The following FAM219B variants were observed in gnomAD, a reference collection of about 807,000 sequenced individuals.
FAM219B encodes protein FAM219B.
Under a neutral mutation model 19.9 loss-of-function variants are expected in FAM219B, and 18 were observed. The observed-to-expected ratio is 0.91, with a 90% CI of 0.63 to 1.34. FAM219B has a LOEUF of 1.34. Ranked by LOEUF, FAM219B falls within the 40% of genes most tolerant of loss-of-function variation. FAM219B has a pLI of 0.00. For missense variants in FAM219B, 283 were observed against 270.5 expected (o/e 1.05, Z -0.32); for synonymous variants, 123 against 117.5 (o/e 1.05, Z -0.30).
chr15:74,904,943 C>T (rs1461202528), intron 3 of FAM219B: 20 of 1,527,868 alleles, frequency 1.3e-5, no homozygotes, highest in Admixed American at 7.9e-5. Context: ...GATGATCCCC[C>T]GGACATTGGT....
chr15:74,905,131 G>T (rs750681574), intron 3 of FAM219B, 23 bp downstream of exon 3: 10 of 1,613,650 alleles, frequency 6.2e-6, no homozygotes, highest in South Asian at 3.3e-5. Flanking sequence ...TCCCAAGGGG[G>T]TATTTCCAAG....
chr15:74,906,119 G>A (rs1191933191), intron 2 of FAM219B, 159 bp downstream of exon 2: 1 of 726,636 alleles, frequency 1.4e-6, no homozygotes, highest in African/African-American at 1.8e-5. Flanking sequence ...TAAAGGAAAA[G>A]AGAGATTGTT....
Position 74,905,223 on chromosome 15 carries a change from T to C in FAM219B, c.311A>G (p.Lys104Arg), listed in dbSNP as rs956896694. ...AAGAGCAGTATAGCCCTTGTTAAACTTCACTGACCTGAGGGGAGACGGGGG... is the reference window on the plus strand; with the variant it reads ...AAGAGCAGTATAGCCCTTGTTAAACCTCACTGACCTGAGGGGAGACGGGGG... Reference protein sequence around the residue: ...RPDSSGKRSVKFNKGYTALSQ... With the variant: ...RPDSSGKRSVRFNKGYTALSQ... Residue 104 changes from lysine (K) to arginine (R), a missense_variant, in exon 3 of 5, where the codon AAG (lysine) becomes AGG (arginine). Physicochemically the swap from Lys to Arg is conservative, Grantham distance 26 (BLOSUM62 2). Coordinates refer to ENST00000357635, the MANE Select transcript of FAM219B (RefSeq NM_020447.5). The C allele has an allele frequency of 6.2e-7, 1 of 1,613,884 alleles. No individual in the cohort carries two copies. The highest frequency in any genetic ancestry group is 1.1e-5 in the South Asian group (1 of 91,082).
intron 4 of FAM219B, among the ~76,000 whole-genome samples, chr15:74,904,207 G>T (rs975210307): frequency 6.6e-6 from 1 of 152,226 alleles, no homozygotes; most frequent in Non-Finnish European, 1.5e-5. Context: ...ATTACAAAAA[G>T]CATTCAAGTA....
chr15:74,905,263 A>G, intron 2 of FAM219B, 32 bp from the exon 3 acceptor site: 1 of 1,605,138 alleles, frequency 6.2e-7, no homozygotes, highest in Non-Finnish European at 8.5e-7. Flanking sequence ...GAGACCAAAC[A>G]TAGATGAAAG....
intron 4 of FAM219B, among the ~76,000 whole-genome samples, chr15:74,903,431 T>A (rs1231263250): frequency 5.3e-5 from 8 of 151,816 alleles, no homozygotes; most frequent in Non-Finnish European, 1.2e-4. Context: ...AAACCCCATC[T>A]CTACTAAAAA....
In FAM219B at chr15:74,905,245, G is replaced by A. The variant is rs557742789; in HGVS notation, c.303-14C>T. Reference sequence around the variant, plus strand: ...AACTTCACTGACCTGAGGGGAGACGGGGGAGAAGAGACCAAACATAGATGA... The same window carrying A: ...AACTTCACTGACCTGAGGGGAGACGAGGGAGAAGAGACCAAACATAGATGA... On this transcript the variant is annotated splice_polypyrimidine_tract_variant and intron_variant, in intron 2 of 4. Coordinates refer to ENST00000357635, the MANE Select transcript of FAM219B (RefSeq NM_020447.5). 1 of 1,612,970 alleles carries A rather than the reference G, an allele frequency of 6.2e-7. No homozygotes were observed. Among genetic ancestry groups the A allele is most frequent in the South Asian group, 1.1e-5 (1 of 91,030 alleles).
intron 1 of FAM219B, 80 bp from the exon 2 acceptor site, chr15:74,906,445 G>C: frequency 6.5e-7 from 1 of 1,548,736 alleles, no homozygotes; most frequent in Admixed American, 1.9e-5. Context: ...CGCTCTTTCC[G>C]AACGGATTTT....
At chr15:74,906,489 C>G in intron 1 of FAM219B, 98 bp downstream of exon 1, 2 of 1,491,660 alleles carry the variant, frequency 1.3e-6, no homozygotes, top group African/African-American at 2.8e-5. Context: ...TAACCCCTTC[C>G]CTCCGGGGCC....
chr15:74,905,422 A>G, intron 2 of FAM219B, 191 bp from the exon 3 acceptor site: 2 of 542,656 alleles, frequency 3.7e-6, no homozygotes, highest in Non-Finnish European at 6.6e-6. Context: ...GTATGTTCTC[A>G]TTCTTTTTTT....
At chr15:74,906,230 A>C (rs375923332) in intron 2 of FAM219B, 48 bp downstream of exon 2, 8 of 1,592,850 alleles carry the variant, frequency 5.0e-6, no homozygotes, top group Non-Finnish European at 6.8e-6. Context: ...TGGGGATTAA[A>C]GCCTTCTCTA....
chr15:74,902,023 G>A lies in FAM219B; in HGVS notation c.*596C>T, dbSNP rs1376004650. Reference sequence around the variant, plus strand: ...AGCCAGGATCCTGCTGTATCATTAAGCAACCTGCTATGATCCCTGTCATAG... The same window carrying A: ...AGCCAGGATCCTGCTGTATCATTAAACAACCTGCTATGATCCCTGTCATAG... On this transcript the variant is annotated 3_prime_UTR_variant, in exon 5 of 5. Coordinates refer to ENST00000357635, the MANE Select transcript of FAM219B (RefSeq NM_020447.5). 5.0e-6 allele frequency: 2 copies of A among 398,092 alleles called. No individual in the cohort carries two copies. The highest frequency in any genetic ancestry group is 8.9e-6 in the Non-Finnish European group (2 of 225,926). The allele number at this position is 398,092 out of a possible 1,614,324, so 24.7% of individuals were successfully genotyped here. A position where few individuals can be genotyped will look rare whatever the true frequency, so the allele number is the denominator to read the frequency against.
rs1356896897 is a variant in FAM219B at position 74,900,625 on chromosome 15, A to G, written c.*1994T>C. 6.6e-6 allele frequency: 1 copy of G among 152,254 alleles called. No individual in the cohort carries two copies. Among genetic ancestry groups the G allele is most frequent in the Non-Finnish European group, 1.5e-5 (1 of 68,068 alleles). The allele number at this position is 152,254 out of a possible 1,614,324, so 9.4% of individuals were successfully genotyped here. ...CTGCAGACACAAGAAAGGCCTGGAC[A>G]TGGTCTCTGCAGATGGGGAAGGGGT... On this transcript the variant is annotated 3_prime_UTR_variant, in exon 5 of 5. Transcript: ENST00000357635.
chr15:74,903,860 C>T (rs1194803139), intron 4 of FAM219B, among the ~76,000 whole-genome samples: 1 of 152,162 alleles, frequency 6.6e-6, no homozygotes, highest in East Asian at 1.9e-4. Context: ...GATTTTACAT[C>T]CCTGTTTTTC....
At chr15:74,904,446 C>A (rs776548826) in intron 4 of FAM219B, among the ~76,000 whole-genome samples, 3 of 152,324 alleles carry the variant, frequency 2.0e-5, no homozygotes, top group African/African-American at 7.2e-5. Context: ...CTTCTGAGAT[C>A]ATTTCTAGCC....
Position 74,902,496 on chromosome 15 carries a change from C to G in FAM219B, c.*123G>C, listed in dbSNP as rs1219442520. On this transcript the variant is annotated 3_prime_UTR_variant, in exon 5 of 5. Transcript: ENST00000357635. ...TGGCCTGAGAAGCAACAGGTAAGGG[C>G]TACCTGCAGGTCACTTTCTAGGGGT... The G allele has an allele frequency of 1.0e-6, 1 of 1,003,802 alleles. No homozygotes were observed. The allele number at this position is 1,003,802 out of a possible 1,614,324, so 62.2% of individuals were successfully genotyped here. A position where few individuals can be genotyped will look rare whatever the true frequency, so the allele number is the denominator to read the frequency against.
At chr15:74,905,327 G>T in intron 2 of FAM219B, 96 bp from the exon 3 acceptor site, 2 of 1,217,300 alleles carry the variant, frequency 1.6e-6, no homozygotes, top group Non-Finnish European at 2.4e-6. Context: ...AGAAAGAATT[G>T]ACTGCACTAC....
At chr15:74,904,539 G>T in intron 4 of FAM219B, 125 bp downstream of exon 4, 1 of 1,174,934 alleles carries the variant, frequency 8.5e-7, no homozygotes, top group Non-Finnish European at 1.3e-6. Flanking sequence ...CAGAGTGGAA[G>T]ATCGTAGAAC....
chr15:74,905,108 C>G, intron 3 of FAM219B, 46 bp downstream of exon 3: 1 of 1,612,972 alleles, frequency 6.2e-7, no homozygotes. Flanking sequence ...TCTTCAGTCC[C>G]AGCCAAGTTG....
Sources: allele counts gnomAD v4.1 joint callset (sites outside exome capture counted in the v4.1 genomes callset), GRCh38; gene constraint gnomAD v4.1.1; transcripts MANE v1.5; gene names NCBI Gene and HGNC (gene_info 2026-07-23, HGNC 2026-07-21).